EBF3: variants seen among roughly 807,000 people sequenced by gnomAD.
EBF3 encodes transcription factor COE3.
Under a neutral mutation model 77.1 loss-of-function variants are expected in EBF3, and 18 were observed. The ratio of observed to expected loss-of-function variants is 0.23; its 90% confidence interval spans 0.16 to 0.35. EBF3 has a LOEUF of 0.35. Ranked by LOEUF, EBF3 falls within the 10% of genes least tolerant of loss-of-function variation. The probability of loss-of-function intolerance (pLI) is 1.00; values close to 1 mark genes in which losing one functional copy is unlikely to be tolerated. For missense variants in EBF3, 558 were observed against 860.0 expected (o/e 0.65, Z 4.39); for synonymous variants, 350 against 343.5 (o/e 1.02, Z -0.21).
rs993221815 is a variant in EBF3, at chr10:129,942,268, A to T, written c.554+14990T>A. 2.6e-5 allele frequency among the ~76,000 whole-genome samples: 4 copies of T among 152,232 alleles called. No individual in the cohort carries two copies. The East Asian group carries it at 7.7e-4, about 29-fold the overall frequency. ...TTCCCCAACAAGAAAACATCTTTCT[A>T]GGGTGGTCCAGGACCCTTCTTTAGC... On this transcript the variant is annotated intron_variant, in intron 6 of 16. Transcript: ENST00000440978.
chr10:129,886,375 G>A (rs1023412736), intron 6 of EBF3, among the ~76,000 whole-genome samples: 16 of 152,216 alleles, frequency 1.1e-4, no homozygotes, highest in African/African-American at 3.4e-4. Context: ...AGGGGCACAT[G>A]TGTGCAAAGC....
At chr10:129,934,842 T>C (rs1857252442) in intron 6 of EBF3, among the ~76,000 whole-genome samples, 1 of 152,110 alleles carries the variant, frequency 6.6e-6, no homozygotes, top group Non-Finnish European at 1.5e-5. Context: ...AAGCCCAAAT[T>C]CATTCTCTGT....
At chr10:129,844,692 T>C (rs1344123516) in intron 11 of EBF3, among the ~76,000 whole-genome samples, 1 of 152,122 alleles carries the variant, frequency 6.6e-6, no homozygotes, top group Non-Finnish European at 1.5e-5. Context: ...CCCGGATGGG[T>C]GGCTCTGACA....
rs1025881163 is a variant in EBF3 at position 129,864,497 on chromosome 10, T to C, written c.1039+2644A>G. Among the ~76,000 whole-genome samples the C allele has an allele frequency of 6.6e-6, 1 of 152,178 alleles. No individual in the cohort carries two copies. The highest frequency in any genetic ancestry group is 1.5e-5 in the Non-Finnish European group (1 of 68,044). On this transcript the variant is annotated intron_variant, in intron 10 of 16. Coordinates refer to ENST00000440978, the MANE Select transcript of EBF3 (RefSeq NM_001375380.1). The surrounding 1 kb of genome is among the most constrained non-coding windows in gnomAD (Gnocchi z 4.4). Reference sequence around the variant, plus strand: ...AGCAATCTTCTTTCTTAAAAAAGTCTCATTTCTAACAATAGCTGTGCAGAC... The same window carrying C: ...AGCAATCTTCTTTCTTAAAAAAGTCCCATTTCTAACAATAGCTGTGCAGAC...
intron 6 of EBF3, among the ~76,000 whole-genome samples, chr10:129,878,426 T>TG (rs1272444981): frequency 3.9e-5 from 6 of 152,022 alleles, no homozygotes; most frequent in African/African-American, 1.2e-4. Flanking sequence ...CCCAGCACTT[T>TG]GGGAGGCTGA....
chr10:129,912,442 A>G (rs1033285231), intron 6 of EBF3, among the ~76,000 whole-genome samples: 2 of 152,172 alleles, frequency 1.3e-5, no homozygotes, highest in East Asian at 1.9e-4. Context: ...AGGGGAAAAA[A>G]CAACAAACAG....
chr10:129,840,525 G>C lies in EBF3; in HGVS notation c.1562-83C>G, dbSNP rs7093172. 2,008 of 1,418,348 alleles carry C rather than the reference G, an allele frequency of 1.4e-3. 8 individuals carry two copies. Among genetic ancestry groups the C allele is most frequent in the South Asian group, 2.7e-3 (208 of 76,448 alleles). 87.9% of individuals were successfully genotyped at this position (1,418,348 alleles called of 1,614,324 possible). ...GGGCACCAAAGGCCTCGCCTCGGAC[G>C]GGGGGGCAGGGGCACGAAAACAAAA... On this transcript the variant is annotated intron_variant, in intron 14 of 16. Coordinates refer to ENST00000440978, the MANE Select transcript of EBF3 (RefSeq NM_001375380.1).
intron 9 of EBF3, 119 bp downstream of exon 9, chr10:129,867,663 C>T: frequency 6.7e-7 from 1 of 1,495,946 alleles, no homozygotes; most frequent in Non-Finnish European, 9.0e-7. Context: ...GCGAACAGTG[C>T]AGTGTGTTAA....
chr10:129,911,519 C>T (rs1855523578), intron 6 of EBF3, among the ~76,000 whole-genome samples: 1 of 152,310 alleles, frequency 6.6e-6, no homozygotes, highest in Middle Eastern at 3.4e-3. Flanking sequence ...CCATCCCCAC[C>T]CAGGCCCCTG....
chr10:129,839,944 C>T (rs1234325937), intron 15 of EBF3, among the ~76,000 whole-genome samples: 1 of 152,264 alleles, frequency 6.6e-6, no homozygotes, highest in Non-Finnish European at 1.5e-5. Flanking sequence ...ACACTCCCGC[C>T]TTCTCTTACG....
At chr10:129,873,936 T>G (rs1055218558) in intron 7 of EBF3, among the ~76,000 whole-genome samples, 2 of 152,218 alleles carry the variant, frequency 1.3e-5, no homozygotes, top group African/African-American at 4.8e-5. Flanking sequence ...TTAAAGCCGC[T>G]GTTTTGATTG....
chr10:129,906,931 C>T (rs1040034014), intron 6 of EBF3, among the ~76,000 whole-genome samples: 1 of 152,180 alleles, frequency 6.6e-6, no homozygotes, highest in Non-Finnish European at 1.5e-5. Flanking sequence ...TGCCTCTCCG[C>T]AGCCCTGCAC....
Position 129,962,236 on chromosome 10 carries a change from AAC to A in EBF3, c.356-12_356-11del, listed in dbSNP as rs775873563. 13 of 1,613,928 alleles carry A rather than the reference AAC, an allele frequency of 8.1e-6. No homozygotes were observed. The highest frequency in any genetic ancestry group is 5.5e-5 in the South Asian group (5 of 91,062). ...TGCTCTGTTCTGACTCCTGCAAAAA[AAC>A]AGAGACAAATTCTCATCAGGATTTG... On this transcript the variant is annotated splice_polypyrimidine_tract_variant and intron_variant, in intron 3 of 16. Coordinates refer to ENST00000440978, the MANE Select transcript of EBF3 (RefSeq NM_001375380.1).
rs1850044964 is a variant in EBF3 at position 129,841,436 on chromosome 10, T to C, written c.1373-404A>G. On this transcript the variant is annotated intron_variant, in intron 13 of 16. Transcript: ENST00000440978. This position sits in a 1 kb window ranked among gnomAD's most constrained non-coding sequence, Gnocchi z 4.6. ...GTGGCCGTAACTTCCCCTGAAAGGC[T>C]GTTTGGGGGTCTTCATTTGTATGGT... Among the ~76,000 whole-genome samples, 1 of 152,144 alleles carries C rather than the reference T, an allele frequency of 6.6e-6. No individual in the cohort carries two copies. The highest frequency in any genetic ancestry group is 2.4e-5 in the African/African-American group (1 of 41,436).
At chr10:129,931,641 C>G (rs143011505) in intron 6 of EBF3, among the ~76,000 whole-genome samples, 1 of 152,388 alleles carries the variant, frequency 6.6e-6, no homozygotes, top group Admixed American at 6.5e-5. Context: ...ATGCCTGACA[C>G]AGGCCAACAA....
chr10:129,923,654 T>A (rs977114352), intron 6 of EBF3, among the ~76,000 whole-genome samples: 1 of 151,904 alleles, frequency 6.6e-6, no homozygotes, highest in Non-Finnish European at 1.5e-5. Context: ...TCCAAATGGA[T>A]CAAAGACCTA....
At chr10:129,877,925 GC>G in intron 6 of EBF3, 76 bp from the exon 7 acceptor site, 3 of 1,180,908 alleles carry the variant, frequency 2.5e-6, no homozygotes, top group Non-Finnish European at 1.2e-6. Context: ...AGACACTCTT[GC>G]GCAGGGAGGA....
At chr10:129,898,230 T>A (rs1854530396) in intron 6 of EBF3, among the ~76,000 whole-genome samples, 1 of 152,222 alleles carries the variant, frequency 6.6e-6, no homozygotes, top group East Asian at 1.9e-4. Flanking sequence ...ATTAGGTGCC[T>A]TTCACAGAGT....
In EBF3 at chr10:129,870,955, T is replaced by G. The variant is rs1015595943; in HGVS notation, c.781+2497A>C. Reference sequence around the variant, plus strand: ...CTCAAACAGGCCTAATCTTGCCTCATGAAGACTTCTTTGTTCTGCCTGCTA... The same window carrying G: ...CTCAAACAGGCCTAATCTTGCCTCAGGAAGACTTCTTTGTTCTGCCTGCTA... On this transcript the variant is annotated intron_variant, in intron 8 of 16. Coordinates refer to ENST00000440978, the MANE Select transcript of EBF3 (RefSeq NM_001375380.1). The surrounding 1 kb of genome is among the most constrained non-coding windows in gnomAD (Gnocchi z 4.4). Among the ~76,000 whole-genome samples, 1 of 152,210 alleles carries G rather than the reference T, an allele frequency of 6.6e-6. No homozygotes were observed. Among genetic ancestry groups the G allele is most frequent in the Non-Finnish European group, 1.5e-5 (1 of 68,040 alleles).
Sources: allele counts gnomAD v4.1 joint callset (sites outside exome capture counted in the v4.1 genomes callset), GRCh38; gene constraint gnomAD v4.1.1; non-coding constraint Gnocchi (gnomAD v3.1); transcripts MANE v1.5; gene names NCBI Gene and HGNC (gene_info 2026-07-23, HGNC 2026-07-21).